CLASP2: variants seen among roughly 807,000 people sequenced by gnomAD.
The protein encoded by CLASP2 is CLIP-associating protein 2.
A neutral mutation model predicts 194.4 loss-of-function variants in CLASP2; 47 were observed. The observed-to-expected ratio is 0.24, with a 90% CI of 0.19 to 0.31. CLASP2 has a LOEUF of 0.31. Ranked by LOEUF, CLASP2 falls within the 10% of genes least tolerant of loss-of-function variation. The probability of loss-of-function intolerance (pLI) is 1.00; values close to 1 mark genes in which losing one functional copy is unlikely to be tolerated. For missense variants in CLASP2, 1,445 were observed against 1,823.6 expected, an observed-to-expected ratio of 0.79 and a Z score of 3.78; for synonymous variants, 619 against 633.5, an observed-to-expected ratio of 0.98 and a Z score of 0.34.
intron 36 of CLASP2, among the ~76,000 whole-genome samples, chr3:33,515,665 C>A (rs1015617022): frequency 6.6e-6 from 1 of 151,944 alleles, no homozygotes; most frequent in Admixed American, 6.6e-5. Context: ...CAAACAACCC[C>A]CCCAAAACAA....
At chr3:33,670,906 ATG>A (rs1242380150) in intron 6 of CLASP2, among the ~76,000 whole-genome samples, 1 of 152,206 alleles carries the variant, frequency 6.6e-6, no homozygotes, top group Non-Finnish European at 1.5e-5. Context: ...ATTTTGAAAT[ATG>A]TGAGTGTATT....
At chr3:33,655,827 T>C (rs548611399) in intron 7 of CLASP2, among the ~76,000 whole-genome samples, 1 of 152,312 alleles carries the variant, frequency 6.6e-6, no homozygotes. Flanking sequence ...GGTTATATCA[T>C]CACTTTTATA....
At chr3:33,588,719 G>A in intron 21 of CLASP2, 1 of 702,364 alleles carries the variant, frequency 1.4e-6, no homozygotes. Flanking sequence ...AATGGTATTA[G>A]CAGATTGTGA....
At position 33,718,230 on chromosome 3, in the gene CLASP2, C is replaced by A. The variant is rs888645142; in HGVS notation, c.-228G>T. The A allele has an allele frequency of 8.9e-6, 2 of 224,234 alleles. No individual in the cohort carries two copies. Among genetic ancestry groups the A allele is most frequent in the African/African-American group, 4.7e-5 (2 of 42,588 alleles). The allele number at this position is 224,234 out of a possible 1,614,324, so 13.9% of individuals were successfully genotyped here. On this transcript the variant is annotated 5_prime_UTR_variant, in exon 1 of 39. Transcript: ENST00000682230. The stretch of plus-strand genomic sequence containing the variant: ...CCCCAGCCCGCTTCAGAGGCCGCGG[C>A]CGCGGGCGACGTCAGCACGCGCGTG...
chr3:33,498,256 T>C lies in CLASP2; in HGVS notation c.*375A>G. 1 of 162,124 alleles carries C rather than the reference T, an allele frequency of 6.2e-6. No individual in the cohort carries two copies. The highest frequency in any genetic ancestry group is 1.3e-5 in the Non-Finnish European group (1 of 74,596). 10.0% of individuals were successfully genotyped at this position (162,124 alleles called of 1,614,324 possible). A position where few individuals can be genotyped will look rare whatever the true frequency, so the allele number is the denominator to read the frequency against. On this transcript the variant is annotated 3_prime_UTR_variant, in exon 39 of 39. Coordinates refer to ENST00000682230, the MANE Select transcript of CLASP2 (RefSeq NM_001365631.1). Reference sequence around the variant, plus strand: ...ATAAAAGCAAAAATGTTTTAGACTGTTAAACTTTTAAAGCTTTAAGCATTC... The same window carrying C: ...ATAAAAGCAAAAATGTTTTAGACTGCTAAACTTTTAAAGCTTTAAGCATTC...
intron 23 of CLASP2, 42 bp from the exon 24 acceptor site, chr3:33,576,317 A>G (rs1218961817): frequency 6.6e-7 from 1 of 1,504,956 alleles, no homozygotes; most frequent in Non-Finnish European, 9.2e-7. Context: ...AAGGAGTCAT[A>G]AATATAACAG....
chr3:33,682,113 C>G (rs149105757), intron 6 of CLASP2, among the ~76,000 whole-genome samples: 1 of 152,118 alleles, frequency 6.6e-6, no homozygotes, highest in South Asian at 2.1e-4. Flanking sequence ...GCCAAATAAA[C>G]GTCTTTTCTT....
intron 34 of CLASP2, among the ~76,000 whole-genome samples, chr3:33,530,212 G>A (rs935936219): frequency 6.6e-6 from 1 of 152,060 alleles, no homozygotes. Flanking sequence ...GGTGGTGCAT[G>A]CCTTGTAATC....
intron 6 of CLASP2, among the ~76,000 whole-genome samples, chr3:33,681,554 G>A (rs1449467273): frequency 6.6e-6 from 1 of 152,026 alleles, no homozygotes; most frequent in South Asian, 2.1e-4. Context: ...ATATACCACA[G>A]GAAAAGAATT....
intron 19 of CLASP2, among the ~76,000 whole-genome samples, chr3:33,596,415 G>A (rs1021973866): frequency 6.6e-6 from 1 of 151,994 alleles, no homozygotes. Context: ...TTTTTATTAA[G>A]ACTTAACGAA....
chr3:33,637,598 C>A (rs182504938), intron 8 of CLASP2, among the ~76,000 whole-genome samples: 15 of 152,082 alleles, frequency 9.9e-5, no homozygotes, highest in South Asian at 4.2e-4. Context: ...CTCCAGGAGG[C>A]CAAGGTCTTC....
chr3:33,544,493 C>A (rs1166388591), intron 31 of CLASP2, among the ~76,000 whole-genome samples: 1 of 152,138 alleles, frequency 6.6e-6, no homozygotes, highest in Non-Finnish European at 1.5e-5. Flanking sequence ...TCCTAATGCA[C>A]ACAAATTATA....
chr3:33,544,001 A>C (rs2058769437), intron 31 of CLASP2, among the ~76,000 whole-genome samples: 2 of 152,160 alleles, frequency 1.3e-5, no homozygotes, highest in Non-Finnish European at 2.9e-5. Context: ...GTTCACAAGA[A>C]ATTGTTTTAG....
chr3:33,651,287 G>A (rs2083151738), intron 7 of CLASP2, among the ~76,000 whole-genome samples: 1 of 151,496 alleles, frequency 6.6e-6, no homozygotes, highest in Non-Finnish European at 1.5e-5. Context: ...AGAGGCTGAG[G>A]CAGGAGACTC....
At chr3:33,575,569 A>T (rs1039201919) in intron 24 of CLASP2, among the ~76,000 whole-genome samples, 1 of 152,184 alleles carries the variant, frequency 6.6e-6, no homozygotes, top group African/African-American at 2.4e-5. Flanking sequence ...ATTTTTAAAA[A>T]TGCTACTTCT....
At chr3:33,687,822 C>A (rs931624689) in intron 4 of CLASP2, among the ~76,000 whole-genome samples, 24 of 152,198 alleles carry the variant, frequency 1.6e-4, no homozygotes, top group African/African-American at 5.3e-4. Flanking sequence ...CAGAACTCTA[C>A]ACACAGCTAC....
chr3:33,713,012 C>CAAA (rs57940200), intron 1 of CLASP2, among the ~76,000 whole-genome samples: 47 of 47,002 alleles, frequency 1.0e-3, no homozygotes, highest in South Asian at 6.7e-3. Flanking sequence ...AACTCCACCT[C>CAAA]AAAAAAAAAA....
chr3:33,561,539 C>T (rs190851329), intron 27 of CLASP2, among the ~76,000 whole-genome samples: 25 of 152,258 alleles, frequency 1.6e-4, no homozygotes, highest in African/African-American at 6.0e-4. Context: ...GTAACTGCAT[C>T]TAAAATAAAT....
At chr3:33,629,687 T>C (rs1352529415) in intron 9 of CLASP2, among the ~76,000 whole-genome samples, 1 of 151,936 alleles carries the variant, frequency 6.6e-6, no homozygotes, top group East Asian at 1.9e-4. Flanking sequence ...TGACTTTCTC[T>C]AGCAGCACGG....
Sources: gnomAD v4.1 joint callset for allele counts (sites outside exome capture counted in the v4.1 genomes callset) on GRCh38, gnomAD v4.1.1 for gene constraint, MANE v1.5 for transcripts, NCBI Gene and HGNC (gene_info 2026-07-23, HGNC 2026-07-21) for gene names.